The following TSC22D2 variants were observed in gnomAD, a reference collection of about 807,000 sequenced individuals.
TSC22D2 encodes the protein TSC22 domain family member 2.
A neutral mutation model predicts 50.1 loss-of-function variants in TSC22D2; 5 were observed. The observed-to-expected ratio is 0.10, with a 90% confidence interval of 0.05 to 0.21. The LOEUF is 0.21. Ranked by LOEUF, TSC22D2 falls within the 10% of genes least tolerant of loss-of-function variation. TSC22D2 has a pLI of 1.00. For synonymous variants in TSC22D2, 501 were observed against 450.1 expected (o/e 1.11, Z -1.43); for missense variants, 1,003 against 1,015.5 (o/e 0.99, Z 0.17).
Position 150,458,652 on chromosome 3 carries a change from C to T in TSC22D2, c.*16C>T, listed in dbSNP as rs771523745. The T allele has an allele frequency of 2.5e-6, 4 of 1,607,414 alleles. No homozygotes were observed. Among genetic ancestry groups the T allele is most frequent in the Non-Finnish European group, 3.4e-6 (4 of 1,177,312 alleles). ...CTCAGCATAAAGCTTTCTTAAGCCT[C>T]ATTAAGAAAAAAACTGAAAGCAATC... On this transcript the variant is annotated 3_prime_UTR_variant, in exon 3 of 3. Coordinates refer to ENST00000688009, the MANE Select transcript of TSC22D2 (RefSeq NM_001303264.2).
chr3:150,455,313 C>T (rs1255410030), intron 1 of TSC22D2, among the ~76,000 whole-genome samples: 1 of 152,122 alleles, frequency 6.6e-6, no homozygotes, highest in African/African-American at 2.4e-5. Context: ...TTTATAGTTA[C>T]ATATAGTCAT....
At chr3:150,457,009 C>T in intron 1 of TSC22D2, 67 bp from the exon 2 acceptor site, 2 of 1,385,340 alleles carry the variant, frequency 1.4e-6, no homozygotes, top group Admixed American at 1.8e-5. Context: ...ATGTCTTTTA[C>T]ATTCTTTTAA....
intron 1 of TSC22D2, among the ~76,000 whole-genome samples, chr3:150,429,412 G>C (rs1255202360): frequency 6.6e-6 from 1 of 152,078 alleles, no homozygotes; most frequent in African/African-American, 2.4e-5. Context: ...CAGACTGACT[G>C]GCAGAATTTA....
chr3:150,444,108 A>G (rs1038330868), intron 1 of TSC22D2, among the ~76,000 whole-genome samples: 1 of 152,246 alleles, frequency 6.6e-6, no homozygotes, highest in African/African-American at 2.4e-5. Context: ...CTTCTTTCTC[A>G]GTAGGTAACA....
At chr3:150,431,900 TG>T (rs1720392737) in intron 1 of TSC22D2, among the ~76,000 whole-genome samples, 2 of 152,184 alleles carry the variant, frequency 1.3e-5, no homozygotes, top group African/African-American at 4.8e-5. Context: ...TATTTTGAGT[TG>T]GAAAAAATAG....
Position 150,429,363 on chromosome 3 carries a change from GAGGTAGAGTA to G in TSC22D2, c.1958+18057_1958+18066del, listed in dbSNP as rs1258243019. Reference sequence around the variant, plus strand: ...ATTCTTCCTACCCAGGTGCCAAGGGGAGGTAGAGTAACTCATGGAGAAAAATAACTACACA... The same window carrying G: ...ATTCTTCCTACCCAGGTGCCAAGGGGACTCATGGAGAAAAATAACTACACA... On this transcript the variant is annotated intron_variant, in intron 1 of 2. Transcript: ENST00000688009. Among the ~76,000 whole-genome samples the G allele has an allele frequency of 3.9e-5, 6 of 152,210 alleles. No individual in the cohort carries two copies. The East Asian group carries it at 1.2e-3, about 29-fold the overall frequency.
intron 1 of TSC22D2, among the ~76,000 whole-genome samples, chr3:150,412,030 C>T (rs1719593545): frequency 1.3e-5 from 2 of 151,946 alleles, no homozygotes; most frequent in Admixed American, 6.6e-5. Context: ...AGCTATAGTT[C>T]TTGAAATTAA....
At chr3:150,442,466 G>A (rs4681619) in intron 1 of TSC22D2, among the ~76,000 whole-genome samples, 88,639 of 152,034 alleles carry the variant, frequency 0.58, 26,246 homozygotes, top group Non-Finnish European at 0.64. Context: ...TCAAATGTAG[G>A]AACCACATTA....
chr3:150,446,911 T>C (rs1316151204), intron 1 of TSC22D2, among the ~76,000 whole-genome samples: 4 of 152,216 alleles, frequency 2.6e-5, no homozygotes, highest in African/African-American at 9.6e-5. Flanking sequence ...TTTTACTTTG[T>C]CAAATATATT....
chr3:150,417,913 T>C (rs950539656), intron 1 of TSC22D2, among the ~76,000 whole-genome samples: 87 of 152,114 alleles, frequency 5.7e-4, no homozygotes, highest in Non-Finnish European at 1.8e-4. Flanking sequence ...CTGGCTCTTC[T>C]ATCATTTAGC....
rs1721404959 is a variant in TSC22D2 at position 150,461,702 on chromosome 3, T to C, written c.*3066T>C. 6.6e-6 allele frequency: 1 copy of C among 152,150 alleles called. No homozygotes were observed. Among genetic ancestry groups the C allele is most frequent in the Non-Finnish European group, 1.5e-5 (1 of 68,030 alleles). The allele number at this position is 152,150 out of a possible 1,614,324, so 9.4% of individuals were successfully genotyped here. A position where few individuals can be genotyped will look rare whatever the true frequency, so the allele number is the denominator to read the frequency against. ...AATTTTTCCAATTCTATTTATAATA[T>C]CCTATGCTAATTAGAAGTATTGAGA... On this transcript the variant is annotated 3_prime_UTR_variant, in exon 3 of 3. Transcript: ENST00000688009.
At chr3:150,453,436 T>G (rs991436783) in intron 1 of TSC22D2, among the ~76,000 whole-genome samples, 4 of 152,244 alleles carry the variant, frequency 2.6e-5, no homozygotes, top group Non-Finnish European at 2.9e-5. Flanking sequence ...AAATAGTCTC[T>G]TATTTGCTTA....
At chr3:150,444,042 A>C (rs1342769753) in intron 1 of TSC22D2, among the ~76,000 whole-genome samples, 1 of 149,238 alleles carries the variant, frequency 6.7e-6, no homozygotes, top group African/African-American at 2.5e-5. Context: ...TCAAACTTGA[A>C]CCCGTTTTTC....
At chr3:150,430,601 TA>T (rs1452523049) in intron 1 of TSC22D2, among the ~76,000 whole-genome samples, 1 of 152,200 alleles carries the variant, frequency 6.6e-6, no homozygotes, top group Non-Finnish European at 1.5e-5. Context: ...GATGAGTTGA[TA>T]AGCTGGTACA....
chr3:150,445,809 T>C (rs746186119), intron 1 of TSC22D2, among the ~76,000 whole-genome samples: 1 of 152,228 alleles, frequency 6.6e-6, no homozygotes, highest in Non-Finnish European at 1.5e-5. Flanking sequence ...GGTTGGAGTT[T>C]GGATTAAAAG....
At position 150,458,512 on chromosome 3, in the gene TSC22D2, A is replaced by G; in HGVS notation, c.2147A>G (p.Asp716Gly). Reference sequence around the variant, plus strand: ...CTGTTAAAATCTCTTTCAAGCAATGATCAATTATCCCAACTCCCAACCCAA... The same window carrying G: ...CTGTTAAAATCTCTTTCAAGCAATGGTCAATTATCCCAACTCCCAACCCAA... ...NALLKSLSSN[D>G]QLSQLPTQQA... is the part of the protein sequence containing the mutation. Residue 716 changes from aspartate to glycine, a missense_variant, in exon 3 of 3, where the codon GAT becomes GGT. Asp to Gly is a moderately conservative substitution (Grantham distance 94). Transcript: ENST00000688009. 6.2e-7 allele frequency: 1 copy of G among 1,614,210 alleles called. No homozygotes were observed.
rs576018287 is a variant in TSC22D2, at chr3:150,417,380, A to G, written c.1958+6072A>G. On this transcript the variant is annotated intron_variant, in intron 1 of 2. Coordinates refer to ENST00000688009, the MANE Select transcript of TSC22D2 (RefSeq NM_001303264.2). ...ATCAAGTGGTTTTATATGTTAAAGC[A>G]AAACAAATCTTTGCTTGGCATACCG... Among the ~76,000 whole-genome samples the G allele has an allele frequency of 5.3e-5, 8 of 152,260 alleles. No individual in the cohort carries two copies. In the East Asian group the frequency reaches 1.5e-3, roughly 29 times the overall value.
At chr3:150,431,223 T>TAAAA (rs1720368506) in intron 1 of TSC22D2, among the ~76,000 whole-genome samples, 1 of 17,676 alleles carries the variant, frequency 5.7e-5, no homozygotes, top group Non-Finnish European at 1.1e-4. Flanking sequence ...AGGCTCTGTC[T>TAAAA]CAAAAAAAAA....
chr3:150,456,239 T>G (rs1576559936), intron 1 of TSC22D2, among the ~76,000 whole-genome samples: 1 of 151,390 alleles, frequency 6.6e-6, no homozygotes, highest in Non-Finnish European at 1.5e-5. Context: ...CCAGGCTGGA[T>G]TGCAATGGCG....
Sources: gnomAD v4.1 joint callset for allele counts (sites outside exome capture counted in the v4.1 genomes callset) on GRCh38, gnomAD v4.1.1 for gene constraint, MANE v1.5 for transcripts, NCBI Gene and HGNC (gene_info 2026-07-23, HGNC 2026-07-21) for gene names.